Variants in PPP1R16B observed in about 807,000 individuals in gnomAD.
PPP1R16B encodes the protein protein phosphatase 1 regulatory subunit 16B, also known as protein phosphatase 1 regulatory inhibitor subunit 16B.
Under a neutral mutation model 61.7 loss-of-function variants are expected in PPP1R16B, and 14 were observed. That is an observed-to-expected ratio of 0.23 (90% CI 0.15 to 0.35). PPP1R16B has a LOEUF of 0.35. Among genes scored for constraint, PPP1R16B ranks in the 10% least tolerant of loss-of-function variants. PPP1R16B has a pLI of 1.00. For missense variants in PPP1R16B, 547 were observed against 752.5 expected (o/e 0.73, Z 3.19); for synonymous variants, 266 against 305.3 (o/e 0.87, Z 1.34).
At position 38,906,152 on chromosome 20, in the gene PPP1R16B, C is replaced by T. The variant is rs564841796; in HGVS notation, c.822+58C>T. The T allele has an allele frequency of 3.8e-6, 6 of 1,558,634 alleles. No homozygotes were observed. The African/African-American group carries it at 8.2e-5, about 21-fold the overall frequency. On this transcript the variant is annotated intron_variant, in intron 7 of 10. Transcript: ENST00000299824. ...CGGCACAGGGCTAACCTGCTGACAC[C>T]AAGTTTTTTGGGCTGGCAGTTGTTT... is the stretch of plus-strand genomic sequence containing the variant.
intron 2 of PPP1R16B, among the ~76,000 whole-genome samples, chr20:38,860,999 G>A (rs992384144): frequency 6.6e-6 from 1 of 152,070 alleles, no homozygotes; most frequent in Non-Finnish European, 1.5e-5. Context: ...CTCCAGTAGT[G>A]CCCATCTTCC....
chr20:38,908,876 G>A (rs4812334), intron 10 of PPP1R16B, among the ~76,000 whole-genome samples: 19,728 of 152,250 alleles, frequency 0.13, 1,355 homozygotes, highest in Middle Eastern at 0.19. Context: ...TCTGTTCCAC[G>A]CCTCTGCGAG....
intron 1 of PPP1R16B, among the ~76,000 whole-genome samples, chr20:38,823,289 G>A (rs533796266): frequency 2.0e-5 from 3 of 152,224 alleles, no homozygotes; most frequent in Non-Finnish European, 4.4e-5. Flanking sequence ...TCAGACAGGA[G>A]AGGAGAGAGG....
At chr20:38,847,940 T>C in intron 2 of PPP1R16B, among the ~76,000 whole-genome samples, 1 of 152,212 alleles carries the variant, frequency 6.6e-6, no homozygotes, top group Non-Finnish European at 1.5e-5. Context: ...TTTAAAATCA[T>C]TTTATTTTTT....
At chr20:38,894,181 T>C (rs1381671926) in intron 3 of PPP1R16B, among the ~76,000 whole-genome samples, 2 of 142,958 alleles carry the variant, frequency 1.4e-5, no homozygotes, top group East Asian at 4.8e-4. Flanking sequence ...TGGCGCCATC[T>C]GTGCAAACGG....
In PPP1R16B at chr20:38,918,822, A is replaced by G; in HGVS notation, c.*156A>G. 1.1e-6 allele frequency: 1 copy of G among 900,204 alleles called. No individual in the cohort carries two copies. Among genetic ancestry groups the G allele is most frequent in the Non-Finnish European group, 1.5e-6 (1 of 655,236 alleles). 55.8% of individuals were successfully genotyped at this position (900,204 alleles called of 1,614,324 possible). On this transcript the variant is annotated 3_prime_UTR_variant, in exon 11 of 11. Transcript: ENST00000299824. The surrounding 1 kb of genome is among the most constrained non-coding windows in gnomAD (Gnocchi z 5.3). ...CCCCAGCCCTCAGCTGGCTGCCCAT[A>G]GCATCCCATGTCCCACGTCCCGTGG...
At chr20:38,914,125 G>A (rs1331835495) in intron 10 of PPP1R16B, among the ~76,000 whole-genome samples, 2 of 151,804 alleles carry the variant, frequency 1.3e-5, no homozygotes. Flanking sequence ...AGAGGTTGGA[G>A]TGAGCCAAGA....
intron 2 of PPP1R16B, among the ~76,000 whole-genome samples, chr20:38,855,105 C>A (rs1428301228): frequency 6.6e-6 from 1 of 152,108 alleles, no homozygotes; most frequent in Non-Finnish European, 1.5e-5. Flanking sequence ...AGAGCCCTTG[C>A]AGAGTCTCTA....
intron 10 of PPP1R16B, among the ~76,000 whole-genome samples, chr20:38,912,096 CTTTTTTTTTTT>C (rs35770847): frequency 3.1e-5 from 4 of 127,444 alleles, no homozygotes; most frequent in African/African-American, 5.9e-5. Flanking sequence ...TATAGTCAGT[CTTTTTTTTTTT>C]TTTTTTTTTG....
intron 1 of PPP1R16B, among the ~76,000 whole-genome samples, chr20:38,832,199 G>A (rs1016837650): frequency 2.6e-5 from 4 of 152,148 alleles, no homozygotes; most frequent in East Asian, 1.9e-4. Context: ...TTCCTCATCT[G>A]GAAAATGGGC....
chr20:38,848,855 T>C (rs1465056877), intron 2 of PPP1R16B, among the ~76,000 whole-genome samples: 1 of 152,162 alleles, frequency 6.6e-6, no homozygotes, highest in African/African-American at 2.4e-5. Flanking sequence ...AAATAACTAA[T>C]GGGTACTAGG....
intron 2 of PPP1R16B, among the ~76,000 whole-genome samples, chr20:38,861,284 G>A (rs1308329950): frequency 1.3e-5 from 2 of 152,232 alleles, no homozygotes; most frequent in African/African-American, 4.8e-5. Flanking sequence ...GTGCTGCACA[G>A]CTGCAGGCCA....
At chr20:38,852,936 G>A (rs1363123267) in intron 2 of PPP1R16B, among the ~76,000 whole-genome samples, 1 of 151,866 alleles carries the variant, frequency 6.6e-6, no homozygotes, top group Non-Finnish European at 1.5e-5. Context: ...ACCACGCCCA[G>A]CTAATTTTTG....
intron 6 of PPP1R16B, among the ~76,000 whole-genome samples, chr20:38,905,363 G>T (rs1446739505): frequency 6.6e-6 from 1 of 152,148 alleles, no homozygotes; most frequent in Non-Finnish European, 1.5e-5. Flanking sequence ...AGTTAGTGCT[G>T]GCTGTTGGCA....
At chr20:38,894,355 C>A (rs1471014025) in intron 3 of PPP1R16B, among the ~76,000 whole-genome samples, 2 of 152,202 alleles carry the variant, frequency 1.3e-5, no homozygotes, top group African/African-American at 4.8e-5. Flanking sequence ...CTGGACTCTT[C>A]TCTCTATCCC....
At chr20:38,915,850 G>C (rs1222911702) in intron 10 of PPP1R16B, among the ~76,000 whole-genome samples, 1 of 151,790 alleles carries the variant, frequency 6.6e-6, no homozygotes, top group Admixed American at 6.6e-5. Flanking sequence ...TGGGATCAGT[G>C]TCTCAGATCT....
At chr20:38,902,504 G>A (rs1298848628) in intron 5 of PPP1R16B, among the ~76,000 whole-genome samples, 164 bp from the exon 6 acceptor site, 2 of 152,304 alleles carry the variant, frequency 1.3e-5, no homozygotes, top group East Asian at 3.9e-4. Context: ...CCAATGCATG[G>A]TGTCTCATCA....
intron 2 of PPP1R16B, among the ~76,000 whole-genome samples, chr20:38,886,795 A>G (rs956834379): frequency 2.6e-5 from 4 of 152,218 alleles, no homozygotes; most frequent in African/African-American, 7.2e-5. Flanking sequence ...GAGGGCTGCC[A>G]ATTGGGTCAA....
chr20:38,851,860 A>G (rs2084971007), intron 2 of PPP1R16B, among the ~76,000 whole-genome samples: 1 of 151,476 alleles, frequency 6.6e-6, no homozygotes, highest in Non-Finnish European at 1.5e-5. Context: ...ATCTCTACCA[A>G]AAACAAAAAC....
Sources: gnomAD v4.1 joint callset for allele counts (sites outside exome capture counted in the v4.1 genomes callset) on GRCh38, gnomAD v4.1.1 for gene constraint, Gnocchi (gnomAD v3.1) non-coding constraint, MANE v1.5 for transcripts, NCBI Gene and HGNC (gene_info 2026-07-23, HGNC 2026-07-21) for gene names.